The following GPIHBP1 variants were observed in gnomAD, a reference collection of about 807,000 sequenced individuals.
The protein encoded by GPIHBP1 is glycosylphosphatidylinositol-anchored high density lipoprotein-binding protein 1.
In GPIHBP1, 11 loss-of-function variants were observed where a neutral mutation model predicts 13.0. That is an observed-to-expected ratio of 0.84 (90% CI 0.53 to 1.40). The LOEUF is 1.40. Among genes scored for constraint, GPIHBP1 ranks in the 40% most tolerant of loss-of-function variants. The pLI, the probability that GPIHBP1 is intolerant of heterozygous loss-of-function variation, is 0.00. For synonymous variants in GPIHBP1, 106 were observed against 102.2 expected (o/e 1.04, Z -0.22); for missense variants, 231 against 241.1 (o/e 0.96, Z 0.28).
chr8:143,215,023 G>A lies in GPIHBP1; in HGVS notation c.192G>A (p.Arg64=). The change falls in exon 3 of 4, where the codon CGG becomes CGA. Residue 64 remains arginine (R), a synonymous_variant. Transcript: ENST00000622500. ...LPGGRSRVLL[R]CYTCKSLPRD... ...CCGCCTTGTCCCCAGTGCTGCTGCG[G>A]TGCTACACCTGCAAGTCCCTGCCCA... 1 of 1,577,074 alleles carries A rather than the reference G, an allele frequency of 6.3e-7. No individual in the cohort carries two copies. Among genetic ancestry groups the A allele is most frequent in the Middle Eastern group, 1.7e-4 (1 of 6,012 alleles).
At position 143,213,272 on chromosome 8, in the gene GPIHBP1, A is replaced by G. The variant is rs766532269; in HGVS notation, c.5A>G (p.Lys2Arg). Residue 2 changes from lysine (K) to arginine (R), a missense_variant, in exon 1 of 4, where the codon AAG becomes AGG. Physicochemically the swap from Lys to Arg is conservative, Grantham distance 26. Transcript: ENST00000622500. MKALGAVLLALL... is the reference protein window; with the variant it reads MRALGAVLLALL... ...GACACAGCAGCGTCCGGCGAGATGA[A>G]GGCGCTCGGGGCTGTCCTGCTTGCC... 2 of 1,596,176 alleles carry G rather than the reference A, an allele frequency of 1.3e-6. No homozygotes were observed.
In GPIHBP1 at chr8:143,217,152, T is replaced by G. The variant is rs1297054574; in HGVS notation, c.*1634T>G. 2 of 152,188 alleles carry G rather than the reference T, an allele frequency of 1.3e-5. No individual in the cohort carries two copies. The highest frequency in any genetic ancestry group is 2.9e-5 in the Non-Finnish European group (2 of 68,024). 9.4% of individuals were successfully genotyped at this position (152,188 alleles called of 1,614,324 possible). A position where few individuals can be genotyped will look rare whatever the true frequency, so the allele number is the denominator to read the frequency against. ...CCCCTTACCTGGGTGGGAAATAAAT[T>G]TCTGCTGTGTTGAAGCTAGTTATTT... is the stretch of plus-strand genomic sequence containing the variant. On this transcript the variant is annotated 3_prime_UTR_variant, in exon 4 of 4. Transcript: ENST00000622500.
chr8:143,215,439 GC>G lies in GPIHBP1; in HGVS notation c.477del (p.Ser160AlafsTer93). 6.2e-7 allele frequency: 1 copy of G among 1,612,550 alleles called. No homozygotes were observed. The highest frequency in any genetic ancestry group is 1.1e-5 in the South Asian group (1 of 91,078). On this transcript the variant is annotated frameshift_variant, in exon 4 of 4. Transcript: ENST00000622500. LOFTEE classifies it low-confidence loss of function (END_TRUNC). ...GGCAAGGGGGCAGGCGGCCCCCGGG[GC>G]AGCTCCGAAACTGTGGGCGCAGCCC... ...PTGKGAGGPR[G>X]SSETVGAALL...
Position 143,214,899 on chromosome 8 carries a change from T to C in GPIHBP1, c.182-114T>C. Reference sequence around the variant, plus strand: ...GCCCGCCCATCTGAGCAGTGGGTGCTGGAGGCTCACCAGGCTAGGCTTTGG... The same window carrying C: ...GCCCGCCCATCTGAGCAGTGGGTGCCGGAGGCTCACCAGGCTAGGCTTTGG... On this transcript the variant is annotated intron_variant, in intron 2 of 3. Transcript: ENST00000622500. The surrounding 1 kb of genome is among the most constrained non-coding windows in gnomAD (Gnocchi z 4.1). 1.4e-6 allele frequency: 1 copy of C among 733,284 alleles called. No individual in the cohort carries two copies. The highest frequency in any genetic ancestry group is 2.1e-5 in the Admixed American group (1 of 47,060). The allele number at this position is 733,284 out of a possible 1,614,324, so 45.4% of individuals were successfully genotyped here.
chr8:143,215,021 C>A lies in GPIHBP1; in HGVS notation c.190C>A (p.Arg64=). 6 of 1,573,526 alleles carry A rather than the reference C, an allele frequency of 3.8e-6. No homozygotes were observed. Among genetic ancestry groups the A allele is most frequent in the Non-Finnish European group, 4.3e-6 (5 of 1,159,804 alleles). Residue 64 remains arginine (R), a synonymous_variant, in exon 3 of 4, where the codon CGG becomes AGG. Coordinates refer to ENST00000622500, the MANE Select transcript of GPIHBP1 (RefSeq NM_178172.6). ...GCCCGCCTTGTCCCCAGTGCTGCTG[C>A]GGTGCTACACCTGCAAGTCCCTGCC... ...LPGGRSRVLL[R]CYTCKSLPRD... is the part of the protein sequence containing the mutation.
intron 1 of GPIHBP1, 91 bp from the exon 2 acceptor site, chr8:143,213,731 G>T: frequency 6.5e-7 from 1 of 1,545,862 alleles, no homozygotes; most frequent in East Asian, 2.4e-5. Context: ...TGGCTGGGGA[G>T]GGCCAAGGAG....
rs564269408 is a variant in GPIHBP1, at chr8:143,216,549, T to C, written c.*1031T>C. ...GAGGGGGCAGAATGGGCCTGCAGCT[T>C]CCTGCAGAGGAAGCAGGACTGGGTA... On this transcript the variant is annotated 3_prime_UTR_variant, in exon 4 of 4. Coordinates refer to ENST00000622500, the MANE Select transcript of GPIHBP1 (RefSeq NM_178172.6). 3 of 152,304 alleles carry C rather than the reference T, an allele frequency of 2.0e-5. No homozygotes were observed. In the East Asian group the frequency reaches 5.8e-4, roughly 30 times the overall value. 9.4% of individuals were successfully genotyped at this position (152,304 alleles called of 1,614,324 possible).
intron 1 of GPIHBP1, 141 bp from the exon 2 acceptor site, chr8:143,213,681 C>A: frequency 1.0e-6 from 1 of 983,692 alleles, no homozygotes; most frequent in Non-Finnish European, 1.5e-6. Context: ...GTAGGGTGTT[C>A]AGGGTAGGGG....
chr8:143,213,467 G>T, intron 1 of GPIHBP1, 148 bp downstream of exon 1: 3 of 755,576 alleles, frequency 4.0e-6, no homozygotes, highest in South Asian at 1.7e-5. Flanking sequence ...ATGGAAGCTG[G>T]CCTGGGTCCC....
rs746247359 is a variant in GPIHBP1 at position 143,215,459 on chromosome 8, G to A, written c.496G>A (p.Ala166Thr). The A allele has an allele frequency of 1.9e-5, 30 of 1,611,978 alleles. No individual in the cohort carries two copies. The highest frequency in any genetic ancestry group is 5.3e-5 in the African/African-American group (4 of 74,930). The change falls in exon 4 of 4, where the codon GCA becomes ACA. Residue 166 changes from alanine to threonine, a missense_variant. By Grantham distance (58) the Ala-to-Thr change is moderately conservative. Transcript: ENST00000622500. ...CCGGGGCAGCTCCGAAACTGTGGGC[G>A]CAGCCCTCCTGCTCAACCTCCTTGC... ...GPRGSSETVG[A>T]ALLLNLLAGL...
In GPIHBP1 at chr8:143,214,866, CA is replaced by C; in HGVS notation, c.182-146del. ...CACAGCACAGCTTACAGGACCAAGT[CA>C]GGGGTCGCCCGCCCATCTGAGCAGT... is the stretch of plus-strand genomic sequence containing the variant. On this transcript the variant is annotated intron_variant, in intron 2 of 3. Coordinates refer to ENST00000622500, the MANE Select transcript of GPIHBP1 (RefSeq NM_178172.6). This position sits in a 1 kb window ranked among gnomAD's most constrained non-coding sequence, Gnocchi z 4.1. The C allele has an allele frequency of 1.3e-5, 8 of 638,156 alleles. No individual in the cohort carries two copies. In the South Asian group the frequency reaches 1.5e-4, roughly 12 times the overall value. The allele number at this position is 638,156 out of a possible 1,614,324, so 39.5% of individuals were successfully genotyped here. A position where few individuals can be genotyped will look rare whatever the true frequency, so the allele number is the denominator to read the frequency against.
rs1458906473 is a variant in GPIHBP1 at position 143,214,846 on chromosome 8, C to T, written c.182-167C>T. ...TAAACACACAGGCTCACGCACACAG[C>T]ACAGCTTACAGGACCAAGTCAGGGG... On this transcript the variant is annotated intron_variant, in intron 2 of 3. Transcript: ENST00000622500. This position sits in a 1 kb window ranked among gnomAD's most constrained non-coding sequence, Gnocchi z 4.1. 6.6e-6 allele frequency among the ~76,000 whole-genome samples: 1 copy of T among 152,236 alleles called. No individual in the cohort carries two copies. Among genetic ancestry groups the T allele is most frequent in the Admixed American group, 6.5e-5 (1 of 15,286 alleles).
Position 143,213,839 on chromosome 8 carries a change from C to T in GPIHBP1, c.70C>T (p.Gln24Ter), listed in dbSNP as rs1189002903. 4 of 1,565,306 alleles carry T rather than the reference C, an allele frequency of 2.6e-6. No individual in the cohort carries two copies. The highest frequency in any genetic ancestry group is 3.5e-6 in the Non-Finnish European group (4 of 1,155,258). The change falls in exon 2 of 4, where the codon CAG becomes TAG. Residue 24 changes from glutamine to a stop codon, truncating the protein, a stop_gained. Transcript: ENST00000622500. LOFTEE classifies it high-confidence loss of function. ...ACGGCCAGGGAGAGGGCAGACACAG[C>T]AGGAGGAAGAGGAAGAGGACGAGGA... ...FGRPGRGQTQQEEEEEDEDHG... is the reference protein window; with the variant it reads ...FGRPGRGQTQ
At position 143,213,241 on chromosome 8, in the gene GPIHBP1, G is replaced by A; in HGVS notation, c.-27G>A. On this transcript the variant is annotated 5_prime_UTR_variant, in exon 1 of 4. Transcript: ENST00000622500. Reference sequence around the variant, plus strand: ...CCAGAGCCCTGCGGGAGGACTCAGAGTCAGGGACACAGCAGCGTCCGGCGA... The same window carrying A: ...CCAGAGCCCTGCGGGAGGACTCAGAATCAGGGACACAGCAGCGTCCGGCGA... The A allele has an allele frequency of 6.3e-7, 1 of 1,584,560 alleles. No homozygotes were observed. The highest frequency in any genetic ancestry group is 8.5e-7 in the Non-Finnish European group (1 of 1,169,642).
rs1230966144 is a variant in GPIHBP1, at chr8:143,215,783, C to A, written c.*265C>A. 3 of 565,678 alleles carry A rather than the reference C, an allele frequency of 5.3e-6. No homozygotes were observed. The highest frequency in any genetic ancestry group is 9.4e-6 in the Non-Finnish European group (3 of 317,584). 35.0% of individuals were successfully genotyped at this position (565,678 alleles called of 1,614,324 possible). A position where few individuals can be genotyped will look rare whatever the true frequency, so the allele number is the denominator to read the frequency against. On this transcript the variant is annotated 3_prime_UTR_variant, in exon 4 of 4. Transcript: ENST00000622500. ...CTCGGCTGCCACGCCCCAGGACCTG[C>A]AGCCCTCATGGGGGCTGGGGATCCC...
At position 143,215,359 on chromosome 8, in the gene GPIHBP1, G is replaced by C; in HGVS notation, c.396G>C (p.Gln132His). The C allele has an allele frequency of 1.2e-6, 2 of 1,612,866 alleles. No homozygotes were observed. The highest frequency in any genetic ancestry group is 1.7e-6 in the Non-Finnish European group (2 of 1,179,994). Residue 132 changes from glutamine to histidine, a missense_variant, in exon 4 of 4, where the codon CAG becomes CAC. Gln to His is a conservative substitution (Grantham distance 24). Transcript: ENST00000622500. ...CCCAGGTGACCATGACCTGCTGCCA[G>C]TCCAGCCTGTGCAATGTCCCACCCT... ...EGTQVTMTCCQSSLCNVPPWQ... is the reference protein window; with the variant it reads ...EGTQVTMTCCHSSLCNVPPWQ...
In GPIHBP1 at chr8:143,215,573, G is replaced by T; in HGVS notation, c.*55G>T. 7.2e-7 allele frequency: 1 copy of T among 1,382,204 alleles called. No homozygotes were observed. The allele number at this position is 1,382,204 out of a possible 1,614,324, so 85.6% of individuals were successfully genotyped here. A position where few individuals can be genotyped will look rare whatever the true frequency, so the allele number is the denominator to read the frequency against. ...TCACCCCCGGCCCTGCCAGCACTCT[G>T]TCTGGTACCTTCCCCTCCTGCCCCT... On this transcript the variant is annotated 3_prime_UTR_variant, in exon 4 of 4. Coordinates refer to ENST00000622500, the MANE Select transcript of GPIHBP1 (RefSeq NM_178172.6).
chr8:143,215,007 C>T lies in GPIHBP1; in HGVS notation c.182-6C>T. On this transcript the variant is annotated splice_polypyrimidine_tract_variant and splice_region_variant and intron_variant, in intron 2 of 3. Coordinates refer to ENST00000622500, the MANE Select transcript of GPIHBP1 (RefSeq NM_178172.6). ...CGGCCTCGGCCTGAGCCCGCCTTGT[C>T]CCCAGTGCTGCTGCGGTGCTACACC... is the stretch of plus-strand genomic sequence containing the variant. 6.4e-7 allele frequency: 1 copy of T among 1,558,064 alleles called. No homozygotes were observed. The highest frequency in any genetic ancestry group is 8.7e-7 in the Non-Finnish European group (1 of 1,149,698).
chr8:143,213,469 C>A, intron 1 of GPIHBP1, 150 bp downstream of exon 1: 2 of 750,392 alleles, frequency 2.7e-6, no homozygotes, highest in Non-Finnish European at 4.4e-6. Flanking sequence ...GGAAGCTGGC[C>A]TGGGTCCCCG....
Sources: allele counts gnomAD v4.1 joint callset (sites outside exome capture counted in the v4.1 genomes callset), GRCh38; gene constraint gnomAD v4.1.1; non-coding constraint Gnocchi (gnomAD v3.1); transcripts MANE v1.5; gene names NCBI Gene and HGNC (gene_info 2026-07-23, HGNC 2026-07-21).